PRAMEF10: variants seen among roughly 807,000 people sequenced by gnomAD.
PRAMEF10 encodes PRAME family member 10.
Under a neutral mutation model 27.7 loss-of-function variants are expected in PRAMEF10, and 4 were observed. The ratio of observed to expected loss-of-function variants is 0.14; its 90% CI spans 0.07 to 0.33. The LOEUF is 0.33. PRAMEF10 is among the 10% of genes least tolerant of loss of function. PRAMEF10 has a pLI of 1.00. For missense variants in PRAMEF10, 99 were observed against 453.9 expected (o/e 0.22, Z 7.10); for synonymous variants, 46 against 176.0 (o/e 0.26, Z 5.85).
At chr1:12,897,569 G>A (rs1641225145) in intron 1 of PRAMEF10, among the ~76,000 whole-genome samples, 1 of 149,044 alleles carries the variant, frequency 6.7e-6, no homozygotes, top group South Asian at 2.2e-4. Flanking sequence ...TGTATATTTT[G>A]TAGAGGCCAA....
At position 12,897,556 on chromosome 1, in the gene PRAMEF10, A is replaced by C. The variant is rs1360019528; in HGVS notation, c.-26+660T>G. The stretch of plus-strand genomic sequence containing the variant: ...GCTACCATGCCCGGCTAATTAAAAA[A>C]TATGTATATTTTGTAGAGGCCAAGC... On this transcript the variant is annotated intron_variant, in intron 1 of 3. Transcript: ENST00000235347. Among the ~76,000 whole-genome samples the C allele has an allele frequency of 5.0e-3, 745 of 148,710 alleles. 35 individuals are homozygous for C. Among genetic ancestry groups the C allele is most frequent in the African/African-American group, 0.018 (715 of 39,596 alleles).
At chr1:12,894,156 C>G (rs1391866846) in intron 3 of PRAMEF10, among the ~76,000 whole-genome samples, 2 of 150,056 alleles carry the variant, frequency 1.3e-5, no homozygotes, top group Admixed American at 6.7e-5. Flanking sequence ...CTCATGATCT[C>G]CCTGCCTTGG....
intron 3 of PRAMEF10, among the ~76,000 whole-genome samples, chr1:12,894,101 G>A (rs1260650557): frequency 1.3e-5 from 2 of 151,020 alleles, no homozygotes; most frequent in Non-Finnish European, 2.9e-5. Flanking sequence ...TTTTAGTAGA[G>A]ACGGGGATTC....
chr1:12,894,159 T>A (rs1339280992), intron 3 of PRAMEF10, among the ~76,000 whole-genome samples: 354 of 150,012 alleles, frequency 2.4e-3, no homozygotes, highest in African/African-American at 8.3e-3. Context: ...ATGATCTCCC[T>A]GCCTTGGCCT....
rs1186205033 is a variant in PRAMEF10 at position 12,893,333 on chromosome 1, A to G, written c.1008T>C (p.Asn336=). 1 of 1,611,776 alleles carries G rather than the reference A, an allele frequency of 6.2e-7. No individual in the cohort carries two copies. ...CCAGCAGAACTCCAAGGGGCTCAAG[A>G]TTGGTGGTCCACATTAGGATATGAA... is the stretch of plus-strand genomic sequence containing the variant. ...RLIHILMWTT[N]LEPLGVLLEK... Residue 336 remains asparagine (N), a synonymous_variant, in exon 4 of 4, where the codon AAT becomes AAC. Coordinates refer to ENST00000235347, the MANE Select transcript of PRAMEF10 (RefSeq NM_001039361.4).
In PRAMEF10 at chr1:12,895,002, G is replaced by A. The variant is rs774712078; in HGVS notation, c.450C>T (p.Phe150=). 7 of 1,609,406 alleles carry A rather than the reference G, an allele frequency of 4.3e-6. No homozygotes were observed. Among genetic ancestry groups the A allele is most frequent in the Non-Finnish European group, 5.1e-6 (6 of 1,178,734 alleles). ...TACTTTCCTTTAGGCAGAGGTCTAT[G>A]AACACCTTCAAGGGCTGGCGCTCTC... ...RMGERQPLKV[F]IDLCLKESTL... Residue 150 remains phenylalanine (F), a synonymous_variant, in exon 3 of 4, where the codon TTC becomes TTT. Coordinates refer to ENST00000235347, the MANE Select transcript of PRAMEF10 (RefSeq NM_001039361.4).
At chr1:12,894,129 G>A (rs1397021005) in intron 3 of PRAMEF10, among the ~76,000 whole-genome samples, 1 of 150,510 alleles carries the variant, frequency 6.6e-6, no homozygotes, top group African/African-American at 2.4e-5. Context: ...TGGCCAGACT[G>A]GTCTCAAATT....
chr1:12,892,937 C>G lies in PRAMEF10; in HGVS notation c.1404G>C (p.Val468=), dbSNP rs574047031. The G allele has an allele frequency of 3.8e-6, 6 of 1,584,350 alleles. No homozygotes were observed. In the South Asian group the frequency reaches 6.7e-5, roughly 18 times the overall value. ...PNCGSWPSEK[V]DFHLCS Reference sequence around the variant, plus strand: ...TTCCCTAGGAGCAAAGATGGAAGTCCACTTTCTCAGATGGCCATGAGCCAC... The same window carrying G: ...TTCCCTAGGAGCAAAGATGGAAGTCGACTTTCTCAGATGGCCATGAGCCAC... The change falls in exon 4 of 4, where the codon GTG becomes GTC. Residue 468 remains valine (V), a synonymous_variant. Coordinates refer to ENST00000235347, the MANE Select transcript of PRAMEF10 (RefSeq NM_001039361.4).
chr1:12,893,709 G>A (rs1173369056), intron 3 of PRAMEF10, among the ~76,000 whole-genome samples: 2 of 97,766 alleles, frequency 2.0e-5, no homozygotes, highest in African/African-American at 4.5e-5. Context: ...AGATCATTCA[G>A]GGGCCACTCC....
chr1:12,897,818 C>T (rs1271098565), intron 1 of PRAMEF10, among the ~76,000 whole-genome samples: 1 of 149,348 alleles, frequency 6.7e-6, no homozygotes, highest in Non-Finnish European at 1.5e-5. Context: ...GATCGTGCCA[C>T]TGCACTCCAG....
At chr1:12,897,370 A>T (rs2100447080) in intron 1 of PRAMEF10, among the ~76,000 whole-genome samples, 1 of 148,948 alleles carries the variant, frequency 6.7e-6, no homozygotes, top group Middle Eastern at 3.5e-3. Context: ...AAGGTCAAAG[A>T]TCCTCTTTGG....
intron 3 of PRAMEF10, among the ~76,000 whole-genome samples, chr1:12,893,902 C>G (rs1204981798): frequency 2.2e-3 from 287 of 127,692 alleles, no homozygotes; most frequent in African/African-American, 8.1e-3. Flanking sequence ...AGAGCTGCTA[C>G]TGTGGAATGC....
chr1:12,893,754 G>C (rs1487226939), intron 3 of PRAMEF10, among the ~76,000 whole-genome samples: 1 of 99,760 alleles, frequency 1.0e-5, no homozygotes, highest in Non-Finnish European at 2.1e-5. Context: ...TTGCCTGTGT[G>C]ATTGGTACCA....
chr1:12,893,976 G>C (rs1187916877), intron 3 of PRAMEF10, among the ~76,000 whole-genome samples: 5 of 140,464 alleles, frequency 3.6e-5, no homozygotes, highest in South Asian at 4.8e-4. Flanking sequence ...ACCTAGGCTG[G>C]AGTGTAGTGG....
At chr1:12,897,491 C>T (rs1211741081) in intron 1 of PRAMEF10, among the ~76,000 whole-genome samples, 1 of 148,626 alleles carries the variant, frequency 6.7e-6, no homozygotes, top group African/African-American at 2.5e-5. Context: ...AATTGTTTCT[C>T]CCATGTCAGC....
At chr1:12,897,368 AG>A (rs1221397893) in intron 1 of PRAMEF10, among the ~76,000 whole-genome samples, 2 of 148,906 alleles carry the variant, frequency 1.3e-5, no homozygotes, top group East Asian at 4.0e-4. Context: ...TTAAGGTCAA[AG>A]ATCCTCTTTG....
chr1:12,893,240 C>T lies in PRAMEF10; in HGVS notation c.1101G>A (p.Arg367=). 5 of 1,608,686 alleles carry T rather than the reference C, an allele frequency of 3.1e-6. No homozygotes were observed. The highest frequency in any genetic ancestry group is 4.2e-6 in the Non-Finnish European group (5 of 1,177,388). The change falls in exon 4 of 4, where the codon AGG becomes AGA. Residue 367 remains arginine (R), a synonymous_variant. Coordinates refer to ENST00000235347, the MANE Select transcript of PRAMEF10 (RefSeq NM_001039361.4). The stretch of plus-strand genomic sequence containing the variant: ...AGTGGCTCAGGGCAGGCAGGAGGAC[C>T]CTGAGTTGGGGGTCCTGGATCCGAC... ...KDCRIQDPQL[R]VLLPALSHCS... is the part of the protein sequence containing the mutation.
rs756804623 is a variant in PRAMEF10 at position 12,892,970 on chromosome 1, G to A, written c.1371C>T (p.Cys457=). 6.4e-7 allele frequency: 1 copy of A among 1,570,782 alleles called. No homozygotes were observed. The highest frequency in any genetic ancestry group is 8.7e-7 in the Non-Finnish European group (1 of 1,150,588). Residue 457 remains cysteine (C), a synonymous_variant, in exon 4 of 4, where the codon TGC becomes TGT. Transcript: ENST00000235347. ...PKRIFFGPVP[C]PNCGSWPSEK... ...CAGATGGCCATGAGCCACAGTTAGG[G>A]CAAGGGACGGGACCAAAGAAGATCC... is the stretch of plus-strand genomic sequence containing the variant.
chr1:12,897,386 ATT>A (rs928312122), intron 1 of PRAMEF10, among the ~76,000 whole-genome samples: 1 of 149,406 alleles, frequency 6.7e-6, no homozygotes. Context: ...TTTGGTTAAG[ATT>A]TTTTTTCTGT....
Sources: allele counts gnomAD v4.1 joint callset (sites outside exome capture counted in the v4.1 genomes callset), GRCh38; gene constraint gnomAD v4.1.1; transcripts MANE v1.5; gene names NCBI Gene and HGNC (gene_info 2026-07-23, HGNC 2026-07-21).